Variants in DLGAP2 observed in about 807,000 individuals in gnomAD.
DLGAP2 encodes the protein disks large-associated protein 2.
A neutral mutation model predicts 100.3 loss-of-function variants in DLGAP2; 26 were observed. That is an observed-to-expected ratio of 0.26 (90% confidence interval 0.19 to 0.36). DLGAP2 has a LOEUF of 0.36. Among genes scored for constraint, DLGAP2 ranks in the 10% least tolerant of loss-of-function variants. DLGAP2 has a pLI of 1.00. For synonymous variants in DLGAP2, 886 were observed against 630.1 expected (o/e 1.41, Z -6.08); for missense variants, 1,858 against 1,453.2 (o/e 1.28, Z -4.53).
intron 1 of DLGAP2, chr8:822,190 T>C: frequency 2.5e-6 from 1 of 399,520 alleles, no homozygotes; most frequent in African/African-American, 2.0e-5. Context: ...TGGGGACTGC[T>C]CAGGTACAGT....
At chr8:1,415,999 G>A (rs918002855) in intron 3 of DLGAP2, among the ~76,000 whole-genome samples, 1 of 152,188 alleles carries the variant, frequency 6.6e-6, no homozygotes. Flanking sequence ...GGTGATGGGT[G>A]ACAAAACTGA....
At chr8:1,237,683 T>A (rs1189014857) in intron 2 of DLGAP2, among the ~76,000 whole-genome samples, 2 of 111,450 alleles carry the variant, frequency 1.8e-5, no homozygotes, top group African/African-American at 3.6e-5. Flanking sequence ...CTCTCTCACA[T>A]GGCACCGTGT....
chr8:1,524,242 G>A (rs1253484999), intron 4 of DLGAP2, among the ~76,000 whole-genome samples: 3 of 152,136 alleles, frequency 2.0e-5, no homozygotes, highest in Admixed American at 6.5e-5. Flanking sequence ...CAGGGAGGAA[G>A]GGACCCTGTT....
chr8:1,209,628 A>T (rs1318068935), intron 2 of DLGAP2, among the ~76,000 whole-genome samples: 1 of 152,248 alleles, frequency 6.6e-6, no homozygotes, highest in Non-Finnish European at 1.5e-5. Context: ...GGAGGTAATT[A>T]GTCTTAGGTG....
At chr8:1,360,111 G>C (rs1427484177) in intron 3 of DLGAP2, among the ~76,000 whole-genome samples, 1 of 152,098 alleles carries the variant, frequency 6.6e-6, no homozygotes, top group Non-Finnish European at 1.5e-5. Flanking sequence ...GTTCGGAGGA[G>C]AGCGGGTTGC....
chr8:1,565,263 A>T (rs1358705285), intron 5 of DLGAP2, among the ~76,000 whole-genome samples: 1 of 151,916 alleles, frequency 6.6e-6, no homozygotes, highest in African/African-American at 2.4e-5. Context: ...TGCAATTAAG[A>T]TATAAGTATA....
chr8:1,483,088 G>C, intron 3 of DLGAP2, among the ~76,000 whole-genome samples: 1 of 152,158 alleles, frequency 6.6e-6, no homozygotes. Flanking sequence ...GGAGCCCCGC[G>C]GCAGCCTGGG....
Position 1,473,414 on chromosome 8 carries a change from A to G in DLGAP2, c.107-27952A>G, listed in dbSNP as rs78601372. 3.6e-3 allele frequency among the ~76,000 whole-genome samples: 549 copies of G among 152,316 alleles called. 1 individual carries two copies. Among genetic ancestry groups the G allele is most frequent in the East Asian group, 0.028 (145 of 5,176 alleles). ...AATCTCAGATCCACTGCGGGGCTGG[A>G]GGCGAAGGTGTTCAGTTGGTCCACG... On this transcript the variant is annotated intron_variant, in intron 3 of 14. Coordinates refer to ENST00000637795, the MANE Select transcript of DLGAP2 (RefSeq NM_001346810.2).
chr8:982,117 C>A lies in DLGAP2; in HGVS notation c.73+74151C>A, dbSNP rs566225295. Among the ~76,000 whole-genome samples the A allele has an allele frequency of 1.2e-4, 18 of 152,356 alleles. No individual in the cohort carries two copies. The South Asian group carries it at 3.7e-3, about 32-fold the overall frequency. On this transcript the variant is annotated intron_variant, in intron 2 of 14. Coordinates refer to ENST00000637795, the MANE Select transcript of DLGAP2 (RefSeq NM_001346810.2). ...GAATGCTCTTCAGCCTCCCAAGGGGCCTGGCTCTGGTGCCTTCCAGTGGAG... is the reference window on the plus strand; with the variant it reads ...GAATGCTCTTCAGCCTCCCAAGGGGACTGGCTCTGGTGCCTTCCAGTGGAG...
chr8:816,186 G>A (rs888402760), intron 1 of DLGAP2, among the ~76,000 whole-genome samples: 1 of 151,618 alleles, frequency 6.6e-6, no homozygotes, highest in Admixed American at 6.6e-5. Context: ...CTTTTAAGTG[G>A]AACATTTAGT....
chr8:972,439 C>CT (rs1800035892), intron 2 of DLGAP2, among the ~76,000 whole-genome samples: 2 of 152,088 alleles, frequency 1.3e-5, no homozygotes, highest in African/African-American at 4.8e-5. Flanking sequence ...GATGGAAACT[C>CT]TAAGAAAATC....
intron 12 of DLGAP2, among the ~76,000 whole-genome samples, chr8:1,690,441 ACG>A (rs1799229219): frequency 6.6e-6 from 1 of 151,924 alleles, no homozygotes; most frequent in Non-Finnish European, 1.5e-5. Flanking sequence ...ACGGTGGCTC[ACG>A]CCTGTAATCC....
At chr8:783,239 T>C (rs889942284) in intron 1 of DLGAP2, among the ~76,000 whole-genome samples, 1 of 152,246 alleles carries the variant, frequency 6.6e-6, no homozygotes, top group African/African-American at 2.4e-5. Context: ...CACTCTTCAT[T>C]GCTCAGAAAT....
chr8:1,089,503 C>A (rs1274734917), intron 2 of DLGAP2, among the ~76,000 whole-genome samples: 2 of 152,200 alleles, frequency 1.3e-5, no homozygotes, highest in African/African-American at 4.8e-5. Context: ...TCCTGCTGCC[C>A]CAGGCCTTCA....
At chr8:1,037,405 T>A (rs1421690189) in intron 2 of DLGAP2, among the ~76,000 whole-genome samples, 2 of 152,138 alleles carry the variant, frequency 1.3e-5, no homozygotes, top group East Asian at 3.9e-4. Context: ...TATCATTGAC[T>A]CAGACTGTGA....
At chr8:837,121 C>T (rs1360378590) in intron 1 of DLGAP2, among the ~76,000 whole-genome samples, 1 of 152,254 alleles carries the variant, frequency 6.6e-6, no homozygotes, top group African/African-American at 2.4e-5. Context: ...TCTCCATGTT[C>T]CCATCTGTGA....
intron 1 of DLGAP2, among the ~76,000 whole-genome samples, chr8:849,835 T>C (rs1338677954): frequency 6.6e-6 from 1 of 152,146 alleles, no homozygotes; most frequent in Non-Finnish European, 1.5e-5. Flanking sequence ...CCCAGCACTT[T>C]GGGAGGCCAA....
intron 2 of DLGAP2, among the ~76,000 whole-genome samples, chr8:1,185,110 C>T (rs1159914210): frequency 6.6e-6 from 1 of 152,072 alleles, no homozygotes; most frequent in African/African-American, 2.4e-5. Flanking sequence ...GGTGTTGGGG[C>T]AGAGGAGCAC....
At chr8:803,798 C>T (rs1040144246) in intron 1 of DLGAP2, among the ~76,000 whole-genome samples, 1 of 152,192 alleles carries the variant, frequency 6.6e-6, no homozygotes, top group East Asian at 1.9e-4. Context: ...ATGCTAAAAT[C>T]ATGAGCATAA....
Sources: allele counts gnomAD v4.1 joint callset (sites outside exome capture counted in the v4.1 genomes callset), GRCh38; gene constraint gnomAD v4.1.1; transcripts MANE v1.5; gene names NCBI Gene and HGNC (gene_info 2026-07-23, HGNC 2026-07-21).